The following NECTIN1 variants were observed in gnomAD, a reference collection of about 807,000 sequenced individuals.
NECTIN1 encodes nectin-1.
NECTIN1 carries 23 observed loss-of-function variants against 48.0 expected under a neutral mutation model. The ratio of observed to expected loss-of-function variants is 0.48; its 90% CI spans 0.34 to 0.68. The LOEUF (loss-of-function observed/expected upper bound fraction) is 0.68. Among genes scored for constraint, NECTIN1 ranks in the 30% least tolerant of loss-of-function variants. The pLI is 0.01. For missense variants in NECTIN1, 591 were observed against 709.9 expected (o/e 0.83, Z 1.90); for synonymous variants, 270 against 288.9 (o/e 0.93, Z 0.66).
At chr11:119,680,847 C>T (rs1166520460) in intron 1 of NECTIN1, among the ~76,000 whole-genome samples, 1 of 152,232 alleles carries the variant, frequency 6.6e-6, no homozygotes, top group East Asian at 1.9e-4. Flanking sequence ...CTGATGCTCC[C>T]TGGGCAGAGG....
intron 5 of NECTIN1, among the ~76,000 whole-genome samples, chr11:119,667,508 G>A (rs573332983): frequency 3.0e-4 from 46 of 152,238 alleles, no homozygotes; most frequent in Non-Finnish European, 6.3e-4. Context: ...GGGGAACGGG[G>A]TGGTGTGTCT....
downstream of NECTIN1, among the ~76,000 whole-genome samples, chr11:119,656,717 G>A (rs2135536077): frequency 6.6e-6 from 1 of 152,320 alleles, no homozygotes. Context: ...CCCGTACTCA[G>A]GCAGAGAGCG....
At chr11:119,639,231 C>T (rs889436953) in intron 6 of NECTIN1, among the ~76,000 whole-genome samples, 16 of 152,074 alleles carry the variant, frequency 1.1e-4, no homozygotes, top group Admixed American at 4.6e-4. Flanking sequence ...TGAAAATCAA[C>T]GTAAAAATCC....
intron 5 of NECTIN1, among the ~76,000 whole-genome samples, chr11:119,670,827 C>G (rs143840191): frequency 2.0e-5 from 3 of 151,640 alleles, no homozygotes; most frequent in Non-Finnish European, 4.4e-5. Context: ...TTTGTAGAGA[C>G]GGGGTTTCAC....
chr11:119,689,294 G>A (rs895510994), intron 1 of NECTIN1, among the ~76,000 whole-genome samples: 6 of 152,210 alleles, frequency 3.9e-5, no homozygotes, highest in Non-Finnish European at 8.8e-5. Context: ...CAGACTTGCA[G>A]GTGGTTCCAG....
At chr11:119,666,279 C>T (rs554885126) in intron 5 of NECTIN1, among the ~76,000 whole-genome samples, 33 of 152,264 alleles carry the variant, frequency 2.2e-4, no homozygotes, top group African/African-American at 6.0e-4. Flanking sequence ...ATGCCTGTGC[C>T]GACATGATGA....
chr11:119,657,110 G>A (rs1864587737), downstream of NECTIN1, among the ~76,000 whole-genome samples: 1 of 152,204 alleles, frequency 6.6e-6, no homozygotes, highest in Non-Finnish European at 1.5e-5. Context: ...TGACGATGAT[G>A]ATGAATATGA....
At chr11:119,687,660 G>A (rs1347784257) in intron 1 of NECTIN1, among the ~76,000 whole-genome samples, 1 of 152,176 alleles carries the variant, frequency 6.6e-6, no homozygotes, top group African/African-American at 2.4e-5. Context: ...GGGGGCTGCC[G>A]AGAAAGCAGA....
In NECTIN1 at chr11:119,663,087, C is replaced by T. The variant is rs1591447557; in HGVS notation, c.*1660G>A. ...GCAGGGTGGGTCAGTGCCCGTGGGG[C>T]ACAGAGTGGTCTGCCTCCCTCCTCC... On this transcript the variant is annotated 3_prime_UTR_variant, in exon 6 of 6. Coordinates refer to ENST00000264025, the MANE Select transcript of NECTIN1 (RefSeq NM_002855.5). 1.0e-6 allele frequency: 1 copy of T among 985,330 alleles called. No individual in the cohort carries two copies. The highest frequency in any genetic ancestry group is 6.1e-5 in the Admixed American group (1 of 16,266). The allele number at this position is 985,330 out of a possible 1,614,324, so 61.0% of individuals were successfully genotyped here.
chr11:119,652,186 CG>C (rs1565378167), intron 5 of NECTIN1, among the ~76,000 whole-genome samples: 1 of 152,192 alleles, frequency 6.6e-6, no homozygotes, highest in African/African-American at 2.4e-5. Context: ...TCCATTGCTT[CG>C]GGTCAATTGT....
At chr11:119,647,510 A>C in intron 5 of NECTIN1, among the ~76,000 whole-genome samples, 1 of 149,944 alleles carries the variant, frequency 6.7e-6, no homozygotes, top group African/African-American at 2.5e-5. Flanking sequence ...CAGGGACCTG[A>C]CCCCCAGTCC....
chr11:119,713,996 C>A (rs555421936), intron 1 of NECTIN1: 6 of 386,446 alleles, frequency 1.6e-5, no homozygotes, highest in African/African-American at 4.2e-5. Context: ...CCTGAGTGGC[C>A]CCCCCCTTGG....
At chr11:119,638,656 T>C in intron 7 of NECTIN1, 3 of 1,362,588 alleles carry the variant, frequency 2.2e-6, no homozygotes, top group Non-Finnish European at 3.1e-6. Flanking sequence ...GCTTGGGCTC[T>C]CTCCTTGGGG....
Position 119,677,446 on chromosome 11 carries a change from G to T in NECTIN1, c.733+109C>A. ...AGGGAGGAGATAGGGGAGACAGGAG[G>T]GGAGAAGAAAGCACCCCCAGAAAGA... On this transcript the variant is annotated intron_variant, in intron 3 of 5. Transcript: ENST00000264025. The surrounding 1 kb of genome is among the most constrained non-coding windows in gnomAD (Gnocchi z 5.4). 7.8e-7 allele frequency: 1 copy of T among 1,281,304 alleles called. No individual in the cohort carries two copies. Among genetic ancestry groups the T allele is most frequent in the Non-Finnish European group, 1.1e-6 (1 of 887,924 alleles). 79.4% of individuals were successfully genotyped at this position (1,281,304 alleles called of 1,614,324 possible).
chr11:119,661,643 T>C lies in NECTIN1; in HGVS notation c.*3104A>G. 1 of 985,846 alleles carries C rather than the reference T, an allele frequency of 1.0e-6. No individual in the cohort carries two copies. Among genetic ancestry groups the C allele is most frequent in the Non-Finnish European group, 1.2e-6 (1 of 829,944 alleles). The allele number at this position is 985,846 out of a possible 1,614,324, so 61.1% of individuals were successfully genotyped here. ...TCTGCTCTGAGGAAGGCAGAAAAGT[T>C]ATTGCACCAGTGACTTGGGCAAGTG... On this transcript the variant is annotated 3_prime_UTR_variant, in exon 6 of 6. Transcript: ENST00000264025.
chr11:119,704,519 C>A (rs1328887595), intron 1 of NECTIN1, among the ~76,000 whole-genome samples: 1 of 152,132 alleles, frequency 6.6e-6, no homozygotes, highest in African/African-American at 2.4e-5. Context: ...ACGCAGTCCA[C>A]CCCCGTGTTT....
At chr11:119,723,960 AC>A (rs937512830) in intron 1 of NECTIN1, among the ~76,000 whole-genome samples, 6 of 151,886 alleles carry the variant, frequency 4.0e-5, no homozygotes, top group Non-Finnish European at 8.8e-5. Context: ...TCCCAGGACC[AC>A]CCTCTTCCCC....
chr11:119,639,903 G>A lies in NECTIN1; in HGVS notation c.1113C>T (p.Asn371=), dbSNP rs1565373117. ...TCTCCGGTGGGCTCTTCTGCTGCCGGTTGTACAGGAAGAAGACAGTGAGCA... is the reference window on the plus strand; with the variant it reads ...TCTCCGGTGGGCTCTTCTGCTGCCGATTGTACAGGAAGAAGACAGTGAGCA... Residue 371 remains asparagine, a synonymous_variant, in exon 6 of 8, where the codon AAC becomes AAT. Coordinates refer to the NECTIN1 transcript ENST00000341398. 5 of 1,614,064 alleles carry A rather than the reference G, an allele frequency of 3.1e-6. No homozygotes were observed. The Admixed American group carries it at 8.3e-5, about 27-fold the overall frequency.
intron 1 of NECTIN1, among the ~76,000 whole-genome samples, chr11:119,695,376 C>T (rs1157352135): frequency 2.0e-5 from 3 of 151,854 alleles, no homozygotes; most frequent in Non-Finnish European, 2.9e-5. Context: ...TCAGGTCCCA[C>T]ACTGGCATCA....
Sources: gnomAD v4.1 joint callset for allele counts (sites outside exome capture counted in the v4.1 genomes callset) on GRCh38, gnomAD v4.1.1 for gene constraint, Gnocchi (gnomAD v3.1) non-coding constraint, MANE v1.5 for transcripts, NCBI Gene and HGNC (gene_info 2026-07-23, HGNC 2026-07-21) for gene names.